The following GPBP1L1 variants were observed in gnomAD, a reference collection of about 807,000 sequenced individuals.
GPBP1L1 encodes the protein GC-rich promoter binding protein 1 like 1, also known as vasculin-like protein 1.
Under a neutral mutation model 52.5 loss-of-function variants are expected in GPBP1L1, and 23 were observed. That is an observed-to-expected ratio of 0.44 (90% confidence interval 0.32 to 0.62). GPBP1L1 has a LOEUF of 0.62. GPBP1L1 is among the 20% of genes least tolerant of loss of function. The probability of loss-of-function intolerance (pLI) is 0.06; values close to 1 mark genes in which losing one functional copy is unlikely to be tolerated. For missense variants in GPBP1L1, 596 were observed against 579.3 expected, an observed-to-expected ratio of 1.03 and a Z score of -0.30; for synonymous variants, 243 against 203.1, an observed-to-expected ratio of 1.20 and a Z score of -1.67.
chr1:45,670,227 T>C (rs1645058426), intron 2 of GPBP1L1, among the ~76,000 whole-genome samples: 1 of 152,390 alleles, frequency 6.6e-6, no homozygotes, highest in East Asian at 1.9e-4. Context: ...ACCTACTGTG[T>C]GGTCTTTTAA....
At chr1:45,647,437 C>A (rs540224342) in intron 6 of GPBP1L1, among the ~76,000 whole-genome samples, 1 of 152,278 alleles carries the variant, frequency 6.6e-6, no homozygotes, top group South Asian at 2.1e-4. Context: ...CTAGCATGAA[C>A]AACGATAGAA....
At chr1:45,674,663 A>T (rs1472635822) in intron 2 of GPBP1L1, among the ~76,000 whole-genome samples, 1 of 152,230 alleles carries the variant, frequency 6.6e-6, no homozygotes, top group Admixed American at 6.5e-5. Context: ...AGTGCCAGCA[A>T]GCCATAGCTC....
intron 2 of GPBP1L1, among the ~76,000 whole-genome samples, chr1:45,666,428 G>A (rs933492712): frequency 2.6e-5 from 4 of 152,108 alleles, no homozygotes; most frequent in African/African-American, 9.7e-5. Flanking sequence ...TTACAGGTGT[G>A]AGCCACCGCG....
chr1:45,683,250 G>A (rs974688228), intron 2 of GPBP1L1, among the ~76,000 whole-genome samples: 4 of 110,274 alleles, frequency 3.6e-5, no homozygotes, highest in Non-Finnish European at 5.0e-5. Context: ...GTCTCGCTCT[G>A]TCCCCAGGTT....
chr1:45,638,302 G>C (rs372363163), intron 8 of GPBP1L1, among the ~76,000 whole-genome samples: 1 of 152,032 alleles, frequency 6.6e-6, no homozygotes, highest in African/African-American at 2.4e-5. Context: ...TCCTTTTACT[G>C]TCAAGGTTAA....
chr1:45,682,805 T>G (rs1569899738), intron 2 of GPBP1L1, among the ~76,000 whole-genome samples: 1 of 152,230 alleles, frequency 6.6e-6, no homozygotes, highest in East Asian at 1.9e-4. Context: ...AAAGTATACC[T>G]GTGGACAAAA....
At chr1:45,631,896 C>G (rs1183344853) in intron 10 of GPBP1L1, among the ~76,000 whole-genome samples, 1 of 152,102 alleles carries the variant, frequency 6.6e-6, no homozygotes, top group East Asian at 1.9e-4. Flanking sequence ...TGCATTCAGC[C>G]TGGGCGACAG....
chr1:45,685,819 T>C (rs1569909492), intron 1 of GPBP1L1, among the ~76,000 whole-genome samples, 199 bp from the exon 2 acceptor site: 1 of 152,052 alleles, frequency 6.6e-6, no homozygotes, highest in East Asian at 1.9e-4. Flanking sequence ...AAAATAACAC[T>C]TAAAACATTT....
At chr1:45,673,562 T>C (rs944651497) in intron 2 of GPBP1L1, among the ~76,000 whole-genome samples, 1 of 152,228 alleles carries the variant, frequency 6.6e-6, no homozygotes, top group Non-Finnish European at 1.5e-5. Flanking sequence ...ACAACCATGC[T>C]TTTAAATATT....
intron 6 of GPBP1L1, among the ~76,000 whole-genome samples, chr1:45,652,647 G>A (rs2148465843): frequency 6.6e-6 from 1 of 151,834 alleles, no homozygotes; most frequent in East Asian, 1.9e-4. Context: ...AAATCATTAT[G>A]GGTTTATTTA....
intron 3 of GPBP1L1, among the ~76,000 whole-genome samples, chr1:45,659,350 G>C (rs1644920215): frequency 6.6e-6 from 1 of 152,154 alleles, no homozygotes; most frequent in Admixed American, 6.5e-5. Context: ...AAAGAAAACT[G>C]TAACATGAGC....
At chr1:45,651,645 T>G (rs905556582) in intron 6 of GPBP1L1, 5 of 685,464 alleles carry the variant, frequency 7.3e-6, no homozygotes, top group African/African-American at 5.3e-5. Context: ...TGCTGCAACC[T>G]GATATAGCAG....
Position 45,640,294 on chromosome 1 carries a change from G to T in GPBP1L1, c.660C>A (p.His220Gln). 6.2e-7 allele frequency: 1 copy of T among 1,614,106 alleles called. No individual in the cohort carries two copies. Among genetic ancestry groups the T allele is most frequent in the Non-Finnish European group, 8.5e-7 (1 of 1,179,980 alleles). The change falls in exon 8 of 13, where the codon CAC becomes CAA. Residue 220 changes from histidine to glutamine, a missense_variant. Transcript: ENST00000355105. ...ATGACAATTTGTTCCCATTTGCATG[G>T]TGAGATCCTGGTGAGGTGAATGCAG... ...FSAAFTSPGS[H>Q]HANGNKLSSV... is the part of the protein sequence containing the mutation.
At chr1:45,666,306 C>G (rs557184047) in intron 2 of GPBP1L1, among the ~76,000 whole-genome samples, 1 of 152,004 alleles carries the variant, frequency 6.6e-6, no homozygotes, top group Non-Finnish European at 1.5e-5. Context: ...CCACCACACC[C>G]GGCTAATTTT....
At chr1:45,638,156 T>C (rs1644620075) in intron 8 of GPBP1L1, among the ~76,000 whole-genome samples, 1 of 152,234 alleles carries the variant, frequency 6.6e-6, no homozygotes, top group Non-Finnish European at 1.5e-5. Flanking sequence ...TTAGTTTTAT[T>C]CCCACATATT....
chr1:45,683,243 T>A (rs1476058092), intron 2 of GPBP1L1, among the ~76,000 whole-genome samples: 1 of 130,754 alleles, frequency 7.6e-6, no homozygotes, highest in Non-Finnish European at 1.6e-5. Flanking sequence ...AGAGGGAGTC[T>A]CGCTCTGTCC....
At chr1:45,652,949 A>C (rs528217301) in intron 6 of GPBP1L1, among the ~76,000 whole-genome samples, 1 of 152,136 alleles carries the variant, frequency 6.6e-6, no homozygotes, top group South Asian at 2.1e-4. Context: ...TGCTGTATAA[A>C]TAATAAAGAT....
At chr1:45,672,674 T>C (rs1349398458) in intron 2 of GPBP1L1, among the ~76,000 whole-genome samples, 2 of 152,054 alleles carry the variant, frequency 1.3e-5, no homozygotes, top group African/African-American at 4.8e-5. Context: ...GATGAGATCA[T>C]CAACAAAGTG....
chr1:45,672,141 T>C (rs920697865), intron 2 of GPBP1L1, among the ~76,000 whole-genome samples: 1 of 152,090 alleles, frequency 6.6e-6, no homozygotes, highest in African/African-American at 2.4e-5. Flanking sequence ...GGCAGGCAAA[T>C]CACGAGGTCA....
Sources: gnomAD v4.1 joint callset for allele counts (sites outside exome capture counted in the v4.1 genomes callset) on GRCh38, gnomAD v4.1.1 for gene constraint, MANE v1.5 for transcripts, NCBI Gene and HGNC (gene_info 2026-07-23, HGNC 2026-07-21) for gene names.